SPTLC2: variants seen among roughly 807,000 people sequenced by gnomAD.
The protein encoded by SPTLC2 is serine palmitoyltransferase long chain base subunit 2, also known as serine palmitoyltransferase 2.
Under a neutral mutation model 62.0 loss-of-function variants are expected in SPTLC2, and 21 were observed. The observed-to-expected ratio is 0.34, with a 90% confidence interval of 0.24 to 0.49. The LOEUF (loss-of-function observed/expected upper bound fraction) is 0.49, where lower values mean the gene tolerates loss of function less well. Among genes scored for constraint, SPTLC2 ranks in the 20% least tolerant of loss-of-function variants. SPTLC2 has a pLI of 0.99. For synonymous variants in SPTLC2, 261 were observed against 261.8 expected, an observed-to-expected ratio of 1.00 and a Z score of 0.03; for missense variants, 511 against 713.0, an observed-to-expected ratio of 0.72 and a Z score of 3.23.
chr14:77,556,257 G>A (rs1468788138), intron 7 of SPTLC2, among the ~76,000 whole-genome samples: 1 of 151,966 alleles, frequency 6.6e-6, no homozygotes, highest in African/African-American at 2.4e-5. Flanking sequence ...AGGTTGCAGT[G>A]AGCCGACATC....
rs369856702 is a variant in SPTLC2, at chr14:77,573,120, C to T, written c.632-2612G>A. 8.5e-4 allele frequency among the ~76,000 whole-genome samples: 130 copies of T among 152,200 alleles called. 1 individual carries two copies. In the South Asian group the frequency reaches 0.012, roughly 14 times the overall value. ...CTATGTCAGCTTTTAACATGCCTTC[C>T]TCACTAAATTTAATCTCATGGAGGT... On this transcript the variant is annotated intron_variant, in intron 4 of 11. Coordinates refer to ENST00000216484, the MANE Select transcript of SPTLC2 (RefSeq NM_004863.4).
At chr14:77,593,497 T>C (rs552655347) in intron 2 of SPTLC2, among the ~76,000 whole-genome samples, 7 of 152,112 alleles carry the variant, frequency 4.6e-5, no homozygotes, top group African/African-American at 9.7e-5. Context: ...AATCCATAGA[T>C]TGAGAAAAAC....
chr14:77,527,290 G>C (rs577539326), intron 9 of SPTLC2, among the ~76,000 whole-genome samples: 1 of 152,056 alleles, frequency 6.6e-6, no homozygotes, highest in East Asian at 1.9e-4. Flanking sequence ...TAGAGACAGG[G>C]CTTCACTTTG....
At chr14:77,553,729 C>CTAAAAA (rs2079567545) in intron 8 of SPTLC2, among the ~76,000 whole-genome samples, 1 of 96,576 alleles carries the variant, frequency 1.0e-5, no homozygotes, top group Non-Finnish European at 2.0e-5. Flanking sequence ...GGCTTGGTCT[C>CTAAAAA]AAAAAAAAAA....
intron 10 of SPTLC2, among the ~76,000 whole-genome samples, chr14:77,518,596 C>A (rs199547630): frequency 6.8e-4 from 97 of 143,206 alleles, no homozygotes; most frequent in African/African-American, 7.3e-4. Flanking sequence ...GGCTCTGTCT[C>A]AAAAAAAAAA....
chr14:77,574,914 A>C (rs2079705796), intron 4 of SPTLC2, among the ~76,000 whole-genome samples: 1 of 152,184 alleles, frequency 6.6e-6, no homozygotes, highest in Non-Finnish European at 1.5e-5. Context: ...AATATTTAAA[A>C]TTAGATGGTG....
chr14:77,616,605 C>A lies in SPTLC2; in HGVS notation c.-26G>T, dbSNP rs748695967. The A allele has an allele frequency of 3.3e-6, 5 of 1,536,068 alleles. No homozygotes were observed. Among genetic ancestry groups the A allele is most frequent in the East Asian group, 2.4e-5 (1 of 41,070 alleles). ...CTTCCTGGCAGCACCAGGCGCAAGG[C>A]AGGCTCTGTAGGCGGTGGCAGCGGC... On this transcript the variant is annotated 5_prime_UTR_variant, in exon 1 of 12. Transcript: ENST00000216484.
Position 77,518,052 on chromosome 14 carries a change from C to T in SPTLC2, c.1555G>A (p.Glu519Lys). The change falls in exon 11 of 12, where the codon GAA (glutamate) becomes AAA (lysine). Residue 519 changes from glutamate (E) to lysine (K), a missense_variant. Glu to Lys is a moderately conservative substitution (Grantham distance 56). Transcript: ENST00000216484. ...TGCCTACTTACAGTATCAAGTATTT[C>T]TTTGGTATGAGCTGCTGACAGGCAA... ...RFCLSAAHTK[E>K]ILDTALKEID... 4 of 1,614,192 alleles carry T rather than the reference C, an allele frequency of 2.5e-6. No homozygotes were observed. The highest frequency in any genetic ancestry group is 2.2e-5 in the South Asian group (2 of 91,078).
chr14:77,588,845 A>C (rs1279682312), intron 2 of SPTLC2, among the ~76,000 whole-genome samples: 1 of 151,622 alleles, frequency 6.6e-6, no homozygotes, highest in Non-Finnish European at 1.5e-5. Context: ...AAAACACAAA[A>C]ATTAGCAGGG....
rs928957013 is a variant in SPTLC2, at chr14:77,508,929, G to C, written c.*3355C>G. ...TTGGAATTTTAAAAATCAAGAACTTGAAGGTACAGAAAGAAAGAAAGGCCA... is the reference window on the plus strand; with the variant it reads ...TTGGAATTTTAAAAATCAAGAACTTCAAGGTACAGAAAGAAAGAAAGGCCA... On this transcript the variant is annotated 3_prime_UTR_variant, in exon 12 of 12. Transcript: ENST00000216484. 1.3e-5 allele frequency: 2 copies of C among 152,106 alleles called. No homozygotes were observed. Among genetic ancestry groups the C allele is most frequent in the Non-Finnish European group, 2.9e-5 (2 of 68,024 alleles). The allele number at this position is 152,106 out of a possible 1,614,324, so 9.4% of individuals were successfully genotyped here. A position where few individuals can be genotyped will look rare whatever the true frequency, so the allele number is the denominator to read the frequency against.
At position 77,512,526 on chromosome 14, in the gene SPTLC2, C is replaced by CAA. The variant is rs1189064425; in HGVS notation, c.1570-124_1570-123insTT. On this transcript the variant is annotated intron_variant, in intron 11 of 11. Coordinates refer to ENST00000216484, the MANE Select transcript of SPTLC2 (RefSeq NM_004863.4). ...CCTTCGGCAGGACTTATGTCTAGTG[C>CAA]ATTTACAAGATCAGACTACAATACA... The CAA allele has an allele frequency of 2.8e-6, 4 of 1,429,742 alleles. No individual in the cohort carries two copies. The Admixed American group carries it at 7.5e-5, about 27-fold the overall frequency. 88.6% of individuals were successfully genotyped at this position (1,429,742 alleles called of 1,614,324 possible). A position where few individuals can be genotyped will look rare whatever the true frequency, so the allele number is the denominator to read the frequency against.
intron 1 of SPTLC2, among the ~76,000 whole-genome samples, chr14:77,614,999 A>C (rs186834535): frequency 2.9e-4 from 44 of 152,164 alleles, no homozygotes; most frequent in African/African-American, 7.2e-4. Flanking sequence ...AAAACAAAAA[A>C]AAAATCATAC....
At chr14:77,600,129 C>T (rs545883506) in intron 1 of SPTLC2, among the ~76,000 whole-genome samples, 5 of 152,304 alleles carry the variant, frequency 3.3e-5, no homozygotes, top group African/African-American at 9.6e-5. Context: ...GGCACACCCA[C>T]ACAGGCAGGA....
chr14:77,572,092 A>C (rs1184436055), intron 4 of SPTLC2, among the ~76,000 whole-genome samples: 8 of 152,234 alleles, frequency 5.3e-5, no homozygotes, highest in Admixed American at 5.2e-4. Context: ...CCAGCCGAGC[A>C]CTTTATAAAA....
At position 77,572,742 on chromosome 14, in the gene SPTLC2, C is replaced by T. The variant is rs142795853; in HGVS notation, c.632-2234G>A. On this transcript the variant is annotated intron_variant, in intron 4 of 11. Transcript: ENST00000216484. The stretch of plus-strand genomic sequence containing the variant: ...AACTTGCTGAAGTTATCAGCATTCA[C>T]TGCTTCACCTTGCACTTTTATGTTG... Among the ~76,000 whole-genome samples the T allele has an allele frequency of 4.6e-5, 7 of 152,348 alleles. No homozygotes were observed. The East Asian group carries it at 1.2e-3, about 25-fold the overall frequency.
In SPTLC2 at chr14:77,616,468, C is replaced by G; in HGVS notation, c.112G>C (p.Ala38Pro). The change falls in exon 1 of 12, where the codon GCC becomes CCC. Residue 38 changes from alanine to proline, a missense_variant. Transcript: ENST00000216484. ...GYVRSSAAAA[A>P]AAAAGQIHHV... ...CGTACCTGGCCGGCGGCGGCTGCGG[C>G]TGCGGCTGCAGCGCTGCTCCTCACG... is the stretch of plus-strand genomic sequence containing the variant. 1.3e-6 allele frequency: 2 copies of G among 1,492,848 alleles called. No homozygotes were observed. Among genetic ancestry groups the G allele is most frequent in the Non-Finnish European group, 1.8e-6 (2 of 1,127,534 alleles). The allele number at this position is 1,492,848 out of a possible 1,614,324, so 92.5% of individuals were successfully genotyped here. A position where few individuals can be genotyped will look rare whatever the true frequency, so the allele number is the denominator to read the frequency against.
At chr14:77,532,763 A>C (rs186556713) in intron 9 of SPTLC2, among the ~76,000 whole-genome samples, 3 of 152,056 alleles carry the variant, frequency 2.0e-5, no homozygotes, top group Non-Finnish European at 4.4e-5. Flanking sequence ...CAGCCTGGGC[A>C]ACAGAGCAAG....
chr14:77,616,340 C>G, intron 1 of SPTLC2, 108 bp downstream of exon 1: 1 of 650,242 alleles, frequency 1.5e-6, no homozygotes, highest in Non-Finnish European at 2.1e-6. Context: ...GCGAACGGCG[C>G]CCGCCCCGCG....
At chr14:77,553,793 T>C (rs1198443269) in intron 8 of SPTLC2, among the ~76,000 whole-genome samples, 1 of 151,274 alleles carries the variant, frequency 6.6e-6, no homozygotes, top group Non-Finnish European at 1.5e-5. Context: ...GAGTTCTCTC[T>C]AACAGGCAAT....
Sources: allele counts gnomAD v4.1 joint callset (sites outside exome capture counted in the v4.1 genomes callset), GRCh38; gene constraint gnomAD v4.1.1; transcripts MANE v1.5; gene names NCBI Gene and HGNC (gene_info 2026-07-23, HGNC 2026-07-21).